Variants in YIPF7 observed in about 807,000 individuals in gnomAD.
The protein encoded by YIPF7 is Yip1 domain family member 7.
In YIPF7, 35 loss-of-function variants were observed where a neutral mutation model predicts 27.2. That is an observed-to-expected ratio of 1.29 (90% confidence interval 0.98 to 1.70). YIPF7 has a LOEUF of 1.70. Ranked by LOEUF, YIPF7 falls within the 40% of genes most tolerant of loss-of-function variation. The pLI is 0.00. For synonymous variants in YIPF7, 137 were observed against 110.4 expected (o/e 1.24, Z -1.51); for missense variants, 358 against 303.7 (o/e 1.18, Z -1.33).
In YIPF7 at chr4:44,636,169, G is replaced by T. The variant is rs1713114811; in HGVS notation, c.117-84C>A. On this transcript the variant is annotated intron_variant, in intron 2 of 5. Coordinates refer to ENST00000415895, the MANE Select transcript of YIPF7 (RefSeq NM_182592.3). The stretch of plus-strand genomic sequence containing the variant: ...AGGAAAATTACAATTTTACTTACAT[G>T]AATTCATGTAGTTTTTATGAGTATT... The T allele has an allele frequency of 2.9e-6, 4 of 1,370,888 alleles. No homozygotes were observed. In the Admixed American group the frequency reaches 7.7e-5, roughly 26 times the overall value. The allele number at this position is 1,370,888 out of a possible 1,614,324, so 84.9% of individuals were successfully genotyped here.
chr4:44,649,432 C>T (rs1459420039), intron 2 of YIPF7, among the ~76,000 whole-genome samples: 1 of 152,084 alleles, frequency 6.6e-6, no homozygotes, highest in African/African-American at 2.4e-5. Flanking sequence ...CCAAGGAAAC[C>T]TCCCTCTCTA....
chr4:44,649,362 T>C (rs1191450607), intron 2 of YIPF7, among the ~76,000 whole-genome samples: 1 of 152,178 alleles, frequency 6.6e-6, no homozygotes, highest in Admixed American at 6.5e-5. Context: ...TCTCTGCCAT[T>C]TCCTGACATG....
chr4:44,651,603 G>A lies in YIPF7; in HGVS notation c.-51C>T, dbSNP rs1713742415. On this transcript the variant is annotated 5_prime_UTR_variant, in exon 1 of 6. Coordinates refer to ENST00000415895, the MANE Select transcript of YIPF7 (RefSeq NM_182592.3). ...TCCTCCAGTAAATGTAGCTTTGTGT[G>A]AGAAATTTTAAGCAAATCCATTGGT... 9 of 1,587,956 alleles carry A rather than the reference G, an allele frequency of 5.7e-6. No homozygotes were observed. Among genetic ancestry groups the A allele is most frequent in the African/African-American group, 1.3e-5 (1 of 74,490 alleles).
intron 4 of YIPF7, among the ~76,000 whole-genome samples, chr4:44,626,137 C>T (rs1019372881): frequency 5.3e-5 from 8 of 152,170 alleles, no homozygotes; most frequent in Non-Finnish European, 1.2e-4. Context: ...TTGATCACTA[C>T]GAAGTCCTTT....
In YIPF7 at chr4:44,622,495, C is replaced by T; in HGVS notation, c.690G>A (p.Leu230=). The part of the protein sequence containing the change: ...LSASKIFIAA[L]HMEGQQLLVA... Reference sequence around the variant, plus strand: ...CAAGAAGCTGCTGTCCTTCCATGTGCAAGGCTGCAATGAAGATCTTGGAAG... The same window carrying T: ...CAAGAAGCTGCTGTCCTTCCATGTGTAAGGCTGCAATGAAGATCTTGGAAG... The change falls in exon 6 of 6, where the codon TTG becomes TTA. Residue 230 remains leucine (L), a synonymous_variant. Coordinates refer to ENST00000415895, the MANE Select transcript of YIPF7 (RefSeq NM_182592.3). 1.9e-6 allele frequency: 3 copies of T among 1,613,908 alleles called. No homozygotes were observed. Among genetic ancestry groups the T allele is most frequent in the Non-Finnish European group, 2.5e-6 (3 of 1,179,860 alleles).
chr4:44,625,569 T>C (rs1246094325), intron 4 of YIPF7, among the ~76,000 whole-genome samples: 2 of 152,174 alleles, frequency 1.3e-5, no homozygotes, highest in African/African-American at 4.8e-5. Context: ...AGGTGATTTA[T>C]ATAAACTAAC....
intron 4 of YIPF7, among the ~76,000 whole-genome samples, chr4:44,626,784 TTTTTTTTTTG>T (rs1712660364): frequency 1.6e-5 from 2 of 127,052 alleles, no homozygotes; most frequent in Non-Finnish European, 3.3e-5. Flanking sequence ...TTTTTTTTTT[TTTTTTTTTTG>T]TGATGGAGTC....
intron 2 of YIPF7, 91 bp downstream of exon 2, chr4:44,649,894 T>C (rs1577743718): frequency 1.4e-6 from 1 of 735,684 alleles, no homozygotes; most frequent in Non-Finnish European, 2.2e-6. Flanking sequence ...TCAACTTTCA[T>C]AATAACTACA....
At chr4:44,650,507 G>GCGCGCACACACACACA (rs6148421) in intron 1 of YIPF7, among the ~76,000 whole-genome samples, 28 of 137,184 alleles carry the variant, frequency 2.0e-4, no homozygotes, top group Non-Finnish European at 3.0e-4. Flanking sequence ...GCGCGCGCGC[G>GCGCGCACACACACACA]CACACACACA....
intron 3 of YIPF7, among the ~76,000 whole-genome samples, chr4:44,630,510 A>G (rs905691486): frequency 2.0e-5 from 3 of 152,188 alleles, no homozygotes; most frequent in Admixed American, 2.0e-4. Context: ...TTGTAAGGTC[A>G]ATGTACTGTG....
At chr4:44,657,898 TG>T (rs1387406843) in intron 2 of YIPF7, among the ~76,000 whole-genome samples, 1 of 151,838 alleles carries the variant, frequency 6.6e-6, no homozygotes, top group Non-Finnish European at 1.5e-5. Flanking sequence ...TGTGGCTTAG[TG>T]GGATTGGGGT....
At chr4:44,649,963 A>G (rs746858312) in intron 2 of YIPF7, 22 bp downstream of exon 2, 3 of 1,324,794 alleles carry the variant, frequency 2.3e-6, no homozygotes, top group African/African-American at 3.0e-5. Flanking sequence ...AAAAAAAAAA[A>G]AGAAAAATAT....
At chr4:44,637,761 G>T (rs1029063301) in intron 2 of YIPF7, among the ~76,000 whole-genome samples, 1 of 152,066 alleles carries the variant, frequency 6.6e-6, no homozygotes, top group Middle Eastern at 3.4e-3. Flanking sequence ...CCTTTCTCTC[G>T]AGTCCCCAAA....
At chr4:44,647,230 A>C (rs1033769178) in intron 2 of YIPF7, among the ~76,000 whole-genome samples, 3 of 152,106 alleles carry the variant, frequency 2.0e-5, no homozygotes, top group Admixed American at 6.6e-5. Flanking sequence ...TCTCTTTGTC[A>C]TTTTGATTTC....
intron 3 of YIPF7, among the ~76,000 whole-genome samples, chr4:44,630,630 C>T (rs1383203443): frequency 6.6e-6 from 1 of 152,190 alleles, no homozygotes; most frequent in African/African-American, 2.4e-5. Context: ...GTTCAGTGTT[C>T]ATGAGTCCAA....
chr4:44,630,508 T>C (rs2109580749), intron 3 of YIPF7, among the ~76,000 whole-genome samples: 1 of 152,286 alleles, frequency 6.6e-6, no homozygotes, highest in Non-Finnish European at 1.5e-5. Flanking sequence ...TTTTGTAAGG[T>C]CAATGTACTG....
At position 44,624,060 on chromosome 4, in the gene YIPF7, CTTTTTTT is replaced by C. The variant is rs1170920998; in HGVS notation, c.608+534_608+540del. On this transcript the variant is annotated intron_variant, in intron 5 of 5. Coordinates refer to ENST00000415895, the MANE Select transcript of YIPF7 (RefSeq NM_182592.3). ...AGTGCCAGTTTTTTTTTCTCTCTCT[CTTTTTTT>C]TTTTTTTTTTATTTTGAGGTGGAGT... is the stretch of plus-strand genomic sequence containing the variant. Among the ~76,000 whole-genome samples, 6 of 137,158 alleles carry C rather than the reference CTTTTTTT, an allele frequency of 4.4e-5. No homozygotes were observed. The South Asian group carries it at 1.4e-3, about 32-fold the overall frequency. The allele number at this position is 137,158 out of a possible 152,430, so 90.0% of individuals were successfully genotyped here.
intron 2 of YIPF7, among the ~76,000 whole-genome samples, chr4:44,643,226 C>T (rs1195077040): frequency 1.2e-4 from 18 of 152,118 alleles, no homozygotes; most frequent in Admixed American, 1.2e-3. Flanking sequence ...TTTTTCTATG[C>T]TTTAGCAAAG....
intron 5 of YIPF7, among the ~76,000 whole-genome samples, chr4:44,622,973 G>A (rs1207673666): frequency 6.6e-6 from 1 of 152,174 alleles, no homozygotes; most frequent in African/African-American, 2.4e-5. Flanking sequence ...GAGAAAGATA[G>A]ACAGAGTTAC....
Sources: allele counts gnomAD v4.1 joint callset (sites outside exome capture counted in the v4.1 genomes callset), GRCh38; gene constraint gnomAD v4.1.1; transcripts MANE v1.5; gene names NCBI Gene and HGNC (gene_info 2026-07-23, HGNC 2026-07-21).